The following ZNF722 variants were observed in gnomAD, a reference collection of about 807,000 sequenced individuals.
ZNF722 encodes zinc finger protein 479 pseudogene.
At chr7:64,002,914 G>A in the ZNF722 span, among the ~76,000 whole-genome samples, 4 of 152,284 alleles carry the variant, frequency 2.6e-5, no homozygotes, top group East Asian at 7.7e-4. Flanking sequence ...TGGGTGTAAG[G>A]GACTCTGCTG....
chr7:64,008,508 C>T, the ZNF722 span, among the ~76,000 whole-genome samples: 2 of 152,156 alleles, frequency 1.3e-5, no homozygotes, highest in Non-Finnish European at 2.9e-5. Context: ...GGAATCCTTT[C>T]CCCATTTCTT....
the ZNF722 span, among the ~76,000 whole-genome samples, chr7:64,004,760 G>T: frequency 6.6e-6 from 1 of 151,902 alleles, no homozygotes; most frequent in East Asian, 1.9e-4. Flanking sequence ...AAAAATGAAG[G>T]CTCTTTATTT....
chr7:64,017,615 A>G, the ZNF722 span, among the ~76,000 whole-genome samples: 1 of 152,208 alleles, frequency 6.6e-6, no homozygotes, highest in African/African-American at 2.4e-5. Flanking sequence ...TTTGAGAGAA[A>G]GCCTAAACAT....
the ZNF722 span, among the ~76,000 whole-genome samples, chr7:64,004,619 T>C: frequency 6.6e-6 from 1 of 151,820 alleles, no homozygotes; most frequent in Non-Finnish European, 1.5e-5. Flanking sequence ...TTTTCCACTA[T>C]AGAGTTAATT....
chr7:64,008,777 G>A, the ZNF722 span, among the ~76,000 whole-genome samples: 35 of 152,270 alleles, frequency 2.3e-4, no homozygotes, highest in African/African-American at 6.0e-4. Context: ...CCAGTTCTGC[G>A]AAGAAAGTCA....
At chr7:64,007,368 T>G in the ZNF722 span, among the ~76,000 whole-genome samples, 3 of 151,922 alleles carry the variant, frequency 2.0e-5, no homozygotes, top group Non-Finnish European at 4.4e-5. Flanking sequence ...ATTAGGTATT[T>G]CTCCTAATGC....
At chr7:64,009,924 G>T in the ZNF722 span, among the ~76,000 whole-genome samples, 2 of 152,144 alleles carry the variant, frequency 1.3e-5, no homozygotes, top group African/African-American at 4.8e-5. Flanking sequence ...TTCAGAGCCT[G>T]TTATTGGTCT....
chr7:64,005,422 T>G, the ZNF722 span, among the ~76,000 whole-genome samples: 1 of 14,124 alleles, frequency 7.1e-5, no homozygotes, highest in Non-Finnish European at 2.8e-4. Context: ...TATGCTATTC[T>G]CTTTTCTTAG....
At chr7:64,006,683 A>T in the ZNF722 span, among the ~76,000 whole-genome samples, 1 of 152,042 alleles carries the variant, frequency 6.6e-6, no homozygotes, top group Non-Finnish European at 1.5e-5. Flanking sequence ...TTTTTTTTGC[A>T]TCATGTCTAA....
the ZNF722 span, among the ~76,000 whole-genome samples, chr7:64,001,838 A>G: frequency 5.3e-5 from 8 of 151,710 alleles, no homozygotes; most frequent in Non-Finnish European, 1.0e-4. Flanking sequence ...TGTTTTATCT[A>G]TCTTAGTCAT....
chr7:64,008,223 G>C, the ZNF722 span, among the ~76,000 whole-genome samples: 6 of 152,230 alleles, frequency 3.9e-5, no homozygotes, highest in East Asian at 1.2e-3. Flanking sequence ...AGTTTCCTTT[G>C]CTGTGCAGAA....
chr7:64,007,252 A>T, the ZNF722 span, among the ~76,000 whole-genome samples: 5 of 147,276 alleles, frequency 3.4e-5, no homozygotes, highest in Non-Finnish European at 3.0e-5. Context: ...ATATATATAT[A>T]TATTTATACT....
At chr7:64,007,230 G>GTATATATATATATATA in the ZNF722 span, among the ~76,000 whole-genome samples, 193 of 138,426 alleles carry the variant, frequency 1.4e-3, 3 homozygotes, top group Middle Eastern at 4.0e-3. Context: ...GTTTGTGTGT[G>GTATATATATATATATA]TATATATATA....
chr7:64,005,476 T>C, the ZNF722 span: 11 of 532,158 alleles, frequency 2.1e-5, no homozygotes, highest in Non-Finnish European at 3.4e-5. Flanking sequence ...TATCGAATAA[T>C]TTTAGTCAGT....
At chr7:64,016,357 C>T in the ZNF722 span, among the ~76,000 whole-genome samples, 1 of 151,668 alleles carries the variant, frequency 6.6e-6, no homozygotes, top group Non-Finnish European at 1.5e-5. Flanking sequence ...AGGCTGGTCT[C>T]GAACTCCTAA....
the ZNF722 span, among the ~76,000 whole-genome samples, chr7:64,008,071 C>T: frequency 1.3e-5 from 2 of 152,126 alleles, no homozygotes; most frequent in African/African-American, 2.4e-5. Flanking sequence ...ATATCCTTTG[C>T]CCAGTTTTTG....
At chr7:64,014,851 G>T in the ZNF722 span, among the ~76,000 whole-genome samples, 2 of 152,084 alleles carry the variant, frequency 1.3e-5, no homozygotes, top group African/African-American at 2.4e-5. Flanking sequence ...TTCCAACAAA[G>T]GTATTTTGAT....
chr7:64,017,075 GA>G, the ZNF722 span, among the ~76,000 whole-genome samples: 1 of 152,086 alleles, frequency 6.6e-6, no homozygotes, highest in Non-Finnish European at 1.5e-5. Context: ...CTCAATATCA[GA>G]AAGTTTATAG....
the ZNF722 span, chr7:64,016,119 T>G: frequency 2.0e-6 from 1 of 501,580 alleles, no homozygotes; most frequent in Admixed American, 3.7e-5. Context: ...CAAACCTTAA[T>G]GAACCCAAGA....
Sources: allele counts gnomAD v4.1 joint callset (sites outside exome capture counted in the v4.1 genomes callset), GRCh38; gene constraint gnomAD v4.1.1; transcripts MANE v1.5; gene names NCBI Gene and HGNC (gene_info 2026-07-23, HGNC 2026-07-21).